The following MYO5A variants were observed in gnomAD, a reference collection of about 807,000 sequenced individuals.
The protein encoded by MYO5A is myosin VA.
MYO5A carries 98 observed loss-of-function variants against 249.7 expected under a neutral mutation model. That is an observed-to-expected ratio of 0.39 (90% CI 0.33 to 0.46). The LOEUF is 0.46. Among genes scored for constraint, MYO5A ranks in the 20% least tolerant of loss-of-function variants. The pLI is 0.98. For synonymous variants in MYO5A, 778 were observed against 810.6 expected (o/e 0.96, Z 0.68); for missense variants, 1,696 against 2,308.8 (o/e 0.73, Z 5.44).
chr15:52,431,261 C>G (rs1042246497), intron 2 of MYO5A, among the ~76,000 whole-genome samples: 1 of 106,896 alleles, frequency 9.4e-6, no homozygotes, highest in East Asian at 2.9e-4. Context: ...AGTGCAGTAG[C>G]TGATGCCTTT....
At chr15:52,408,282 G>A in intron 6 of MYO5A, 142 bp from the exon 7 acceptor site, 1 of 619,426 alleles carries the variant, frequency 1.6e-6, no homozygotes, top group Non-Finnish European at 2.8e-6. Flanking sequence ...ACTTATTTCT[G>A]ATTATTAAAT....
chr15:52,508,383 G>A lies in MYO5A; in HGVS notation c.27+20397C>T, dbSNP rs113881715. Among the ~76,000 whole-genome samples the A allele has an allele frequency of 7.1e-3, 701 of 98,976 alleles. 2 individuals are homozygous for A. The highest frequency in any genetic ancestry group is 0.012 in the Non-Finnish European group (504 of 43,338). 64.9% of individuals were successfully genotyped at this position (98,976 alleles called of 152,430 possible). ...ACAAACATTGTTAGGGTTTTATAAGGAAAAAAAAAAAAAGTAGAACTAACC... is the reference window on the plus strand; with the variant it reads ...ACAAACATTGTTAGGGTTTTATAAGAAAAAAAAAAAAAAGTAGAACTAACC... On this transcript the variant is annotated intron_variant, in intron 1 of 41. Transcript: ENST00000399233.
intron 40 of MYO5A, among the ~76,000 whole-genome samples, chr15:52,316,572 T>C (rs2038029330): frequency 6.6e-6 from 1 of 152,218 alleles, no homozygotes; most frequent in Non-Finnish European, 1.5e-5. Context: ...TATTGAAGCA[T>C]CTTCCCCAGC....
In MYO5A at chr15:52,502,112, G is replaced by A. The variant is rs561258875; in HGVS notation, c.27+26668C>T. Among the ~76,000 whole-genome samples, 48 of 152,082 alleles carry A rather than the reference G, an allele frequency of 3.2e-4. 1 individual carries two copies. The highest frequency in any genetic ancestry group is 1.1e-3 in the African/African-American group (44 of 41,474). On this transcript the variant is annotated intron_variant, in intron 1 of 41. Transcript: ENST00000399233. ...AGACCAGCCAGGCCAGTGAAACCTCGTCTCTACTAAAAATATAAAAATTAT... is the reference window on the plus strand; with the variant it reads ...AGACCAGCCAGGCCAGTGAAACCTCATCTCTACTAAAAATATAAAAATTAT...
intron 1 of MYO5A, among the ~76,000 whole-genome samples, chr15:52,460,181 G>A (rs1028247108): frequency 2.6e-5 from 4 of 151,182 alleles, no homozygotes; most frequent in Admixed American, 1.3e-4. Context: ...CCAGGCAGAG[G>A]GGCTCCTCAC....
At chr15:52,370,974 A>G (rs896895300) in intron 21 of MYO5A, among the ~76,000 whole-genome samples, 5 of 151,968 alleles carry the variant, frequency 3.3e-5, no homozygotes, top group South Asian at 2.1e-4. Context: ...TTAGCTAGAC[A>G]TGGTGGTGTG....
chr15:52,316,935 C>T, intron 40 of MYO5A, 113 bp downstream of exon 40: 2 of 1,192,816 alleles, frequency 1.7e-6, no homozygotes, highest in South Asian at 2.5e-5. Flanking sequence ...TCTTCTTGAA[C>T]ACAGATGAAG....
intron 19 of MYO5A, among the ~76,000 whole-genome samples, chr15:52,375,998 A>G (rs1477746403): frequency 6.6e-6 from 1 of 152,222 alleles, no homozygotes; most frequent in East Asian, 1.9e-4. Context: ...AGACCCTCTC[A>G]GTTAATTGCT....
At chr15:52,484,496 C>T (rs1255881047) in intron 1 of MYO5A, among the ~76,000 whole-genome samples, 1 of 152,182 alleles carries the variant, frequency 6.6e-6, no homozygotes, top group Non-Finnish European at 1.5e-5. Context: ...TTCTGTTTCA[C>T]TCTTCACAGG....
intron 1 of MYO5A, among the ~76,000 whole-genome samples, chr15:52,468,073 G>C (rs559366590): frequency 1.4e-3 from 218 of 152,310 alleles, no homozygotes; most frequent in African/African-American, 5.1e-3. Context: ...AGATGGACCA[G>C]GTGCAGTGGC....
intron 28 of MYO5A, among the ~76,000 whole-genome samples, chr15:52,350,702 T>G (rs1049812906): frequency 1.3e-5 from 2 of 152,134 alleles, no homozygotes. Context: ...CAAAGGGCCA[T>G]CTATATCCTC....
At chr15:52,492,942 T>G (rs1037833961) in intron 1 of MYO5A, among the ~76,000 whole-genome samples, 4 of 152,300 alleles carry the variant, frequency 2.6e-5, no homozygotes, top group Admixed American at 6.5e-5. Context: ...AGGAGAAAAC[T>G]CAGAGATAGT....
At chr15:52,320,047 C>T (rs1415084151) in intron 38 of MYO5A, among the ~76,000 whole-genome samples, 2 of 152,182 alleles carry the variant, frequency 1.3e-5, no homozygotes, top group African/African-American at 4.8e-5. Flanking sequence ...TGACAACCAT[C>T]TTGGAGAAAA....
At chr15:52,317,852 C>G (rs564459189) in intron 39 of MYO5A, among the ~76,000 whole-genome samples, 18 of 152,298 alleles carry the variant, frequency 1.2e-4, no homozygotes, top group African/African-American at 4.3e-4. Flanking sequence ...ACAAAATAGC[C>G]AACCAAGTGG....
intron 37 of MYO5A, among the ~76,000 whole-genome samples, chr15:52,322,499 C>T (rs987440929): frequency 1.3e-5 from 2 of 152,186 alleles, no homozygotes; most frequent in Non-Finnish European, 2.9e-5. Flanking sequence ...AATCAATGAG[C>T]CCCAGTGAGC....
intron 1 of MYO5A, among the ~76,000 whole-genome samples, chr15:52,520,741 G>C (rs1386002184): frequency 6.6e-6 from 1 of 152,162 alleles, no homozygotes; most frequent in African/African-American, 2.4e-5. Flanking sequence ...AAATTACCCA[G>C]ACCCTCTCTA....
intron 1 of MYO5A, among the ~76,000 whole-genome samples, chr15:52,463,210 G>T (rs1030187401): frequency 1.6e-4 from 25 of 152,300 alleles, no homozygotes; most frequent in African/African-American, 5.8e-4. Context: ...AAAAGAACTT[G>T]TGCCTCAGCC....
intron 1 of MYO5A, among the ~76,000 whole-genome samples, chr15:52,501,463 T>TG (rs2077157552): frequency 6.6e-6 from 1 of 151,864 alleles, no homozygotes; most frequent in Non-Finnish European, 1.5e-5. Context: ...TAGCTGGGCG[T>TG]GGTGGTGTGT....
At chr15:52,313,974 A>G (rs2037868704) in intron 41 of MYO5A, 126 bp from the exon 42 acceptor site, 6 of 1,374,876 alleles carry the variant, frequency 4.4e-6, no homozygotes, top group South Asian at 3.8e-5. Flanking sequence ...TTTTAAACTC[A>G]CTTCATTTTC....
Sources: gnomAD v4.1 joint callset for allele counts (sites outside exome capture counted in the v4.1 genomes callset) on GRCh38, gnomAD v4.1.1 for gene constraint, MANE v1.5 for transcripts, NCBI Gene and HGNC (gene_info 2026-07-23, HGNC 2026-07-21) for gene names.